CBR3: variants seen among roughly 807,000 people sequenced by gnomAD.
The protein encoded by CBR3 is carbonyl reductase 3, also known as carbonyl reductase [NADPH] 3.
In CBR3, 14 loss-of-function variants were observed where a neutral mutation model predicts 11.6. The observed-to-expected ratio is 1.20, with a 90% CI of 0.79 to 1.88. CBR3 has a LOEUF of 1.88. Ranked by LOEUF, CBR3 falls within the 40% of genes most tolerant of loss-of-function variation. The pLI is 0.00. For synonymous variants in CBR3, 125 were observed against 145.6 expected, an observed-to-expected ratio of 0.86 and a Z score of 1.02; for missense variants, 308 against 357.3, an observed-to-expected ratio of 0.86 and a Z score of 1.11.
At chr21:36,141,023 A>AAAAAG (rs1555883155) in intron 2 of CBR3, among the ~76,000 whole-genome samples, 110 of 140,584 alleles carry the variant, frequency 7.8e-4, no homozygotes, top group African/African-American at 2.6e-3. Flanking sequence ...AAAAAAAAAA[A>AAAAAG]AAAGAAAGAA....
chr21:36,143,257 C>T (rs1967456), intron 2 of CBR3, among the ~76,000 whole-genome samples: 119,077 of 151,598 alleles, frequency 0.79, 46,799 homozygotes, highest in East Asian at 0.84. Flanking sequence ...GAGCTGAGAT[C>T]GCGCCACTGC....
chr21:36,140,997 C>T (rs1287932074), intron 2 of CBR3, among the ~76,000 whole-genome samples: 1 of 112,858 alleles, frequency 8.9e-6, no homozygotes, highest in Non-Finnish European at 1.7e-5. Context: ...GACAGAGCCA[C>T]ACTCCATCTC....
chr21:36,135,383 T>G lies in CBR3; in HGVS notation c.191T>G (p.Ile64Ser). 1 of 1,613,338 alleles carries G rather than the reference T, an allele frequency of 6.2e-7. No homozygotes were observed. The highest frequency in any genetic ancestry group is 1.1e-5 in the South Asian group (1 of 91,084). ...AGCCCGCGCTTCCACCAACTGGACA[T>G]CGACGACTTGCAGAGCATCCGCGCC... ...GLSPRFHQLD[I>S]DDLQSIRALR... The change falls in exon 1 of 3, where the codon ATC becomes AGC. Residue 64 changes from isoleucine to serine, a missense_variant. Coordinates refer to ENST00000290354, the MANE Select transcript of CBR3 (RefSeq NM_001236.4).
rs2065675249 is a variant in CBR3 at position 36,137,943 on chromosome 21, CGT to C, written c.397+15_397+16del. The C allele has an allele frequency of 6.9e-7, 1 of 1,453,850 alleles. No individual in the cohort carries two copies. 90.1% of individuals were successfully genotyped at this position (1,453,850 alleles called of 1,614,324 possible). A position where few individuals can be genotyped will look rare whatever the true frequency, so the allele number is the denominator to read the frequency against. ...TAATGAAACCTCATGGTAAGCCCAA[CGT>C]GTGGACAGTCGGGTTGCATCCCTCA... On this transcript the variant is annotated intron_variant, in intron 2 of 2. Transcript: ENST00000290354.
At chr21:36,138,635 A>T (rs947744136) in intron 2 of CBR3, 1 of 151,784 alleles carries the variant, frequency 6.6e-6, no homozygotes, top group African/African-American at 2.4e-5. Flanking sequence ...GGACCTTGGT[A>T]TCTGTTTTAG....
intron 2 of CBR3, among the ~76,000 whole-genome samples, chr21:36,140,583 C>G (rs2123344254): frequency 6.6e-6 from 1 of 151,890 alleles, no homozygotes. Context: ...TATTAAGACA[C>G]CTTTAAAACT....
Position 36,146,371 on chromosome 21 carries a change from G to A in CBR3, c.693G>A (p.Val231=), listed in dbSNP as rs760406876. 4.3e-6 allele frequency: 7 copies of A among 1,614,184 alleles called. No individual in the cohort carries two copies. Among genetic ancestry groups the A allele is most frequent in the Non-Finnish European group, 5.9e-6 (7 of 1,180,034 alleles). ...ILVNACCPGP[V]KTDMDGKDSI... ...TGAATGCGTGCTGCCCAGGACCAGTGAAGACAGACATGGATGGGAAAGACA... is the reference window on the plus strand; with the variant it reads ...TGAATGCGTGCTGCCCAGGACCAGTAAAGACAGACATGGATGGGAAAGACA... Residue 231 remains valine, a synonymous_variant, in exon 3 of 3, where the codon GTG becomes GTA. Coordinates refer to ENST00000290354, the MANE Select transcript of CBR3 (RefSeq NM_001236.4).
rs141887975 is a variant in CBR3 at position 36,146,283 on chromosome 21, C to A, written c.605C>A (p.Thr202Lys). The change falls in exon 3 of 3, where the codon ACG (threonine) becomes AAG (lysine). Residue 202 changes from threonine (T) to lysine (K), a missense_variant. Physicochemically the swap from Thr to Lys is moderately conservative, Grantham distance 78. Transcript: ENST00000290354. ...TATGGGGTGTCCAAGTTGGGGGTCA[C>A]GGTCTTATCGAGGATCCTGGCCAGG... Reference protein sequence around the residue: ...SPYGVSKLGVTVLSRILARRL... With the variant: ...SPYGVSKLGVKVLSRILARRL... The A allele has an allele frequency of 1.5e-4, 241 of 1,614,006 alleles. No individual in the cohort carries two copies. The highest frequency in any genetic ancestry group is 1.9e-4 in the Non-Finnish European group (220 of 1,180,026).
At chr21:36,140,733 C>A (rs1324133378) in intron 2 of CBR3, among the ~76,000 whole-genome samples, 1 of 152,094 alleles carries the variant, frequency 6.6e-6, no homozygotes, top group Non-Finnish European at 1.5e-5. Context: ...TGTGGCCGGG[C>A]ACAGTGGCTC....
Position 36,142,431 on chromosome 21 carries a change from C to CAAAAAAAAAAAAAAAAAAAAAAAA in CBR3, c.398-3628_398-3627insAAAAAAAAAAAAAAAAAAAAAAAA, listed in dbSNP as rs71326645. On this transcript the variant is annotated intron_variant, in intron 2 of 2. Transcript: ENST00000290354. ...TAGGTGACAGAGCGAGACTCCATCT[C>CAAAAAAAAAAAAAAAAAAAAAAAA]AAAAAAAAAAAAAAAAACGCAATCC... 8.7e-4 allele frequency among the ~76,000 whole-genome samples: 35 copies of CAAAAAAAAAAAAAAAAAAAAAAAA among 40,414 alleles called. 3 individuals are homozygous for CAAAAAAAAAAAAAAAAAAAAAAAA. Among genetic ancestry groups the CAAAAAAAAAAAAAAAAAAAAAAAA allele is most frequent in the African/African-American group, 3.9e-3 (35 of 8,862 alleles). 26.5% of individuals were successfully genotyped at this position (40,414 alleles called of 152,430 possible).
Position 36,135,333 on chromosome 21 carries a change from G to T in CBR3, c.141G>T (p.Val47=). The T allele has an allele frequency of 6.2e-7, 1 of 1,612,160 alleles. No homozygotes were observed. ...ACGTGGCGCGGGGCCAGGCGGCCGTGCAGCAGCTGCAGGCGGAGGGCCTGA... is the reference window on the plus strand; with the variant it reads ...ACGTGGCGCGGGGCCAGGCGGCCGTTCAGCAGCTGCAGGCGGAGGGCCTGA... ...ARDVARGQAA[V]QQLQAEGLSP... The change falls in exon 1 of 3, where the codon GTG becomes GTT. Residue 47 remains valine (V), a synonymous_variant. Transcript: ENST00000290354.
intron 2 of CBR3, among the ~76,000 whole-genome samples, chr21:36,140,980 C>T (rs2065703527): frequency 7.0e-6 from 1 of 142,660 alleles, no homozygotes. Flanking sequence ...TGCACTCCAG[C>T]CTGGGCGACA....
intron 2 of CBR3, 73 bp downstream of exon 2, chr21:36,138,005 C>A: frequency 1.2e-6 from 1 of 817,262 alleles, no homozygotes; most frequent in South Asian, 1.4e-5. Flanking sequence ...CGGAGCAGGG[C>A]TACCCTGCAG....
At chr21:36,141,376 T>C (rs1407371984) in intron 2 of CBR3, 2 of 152,112 alleles carry the variant, frequency 1.3e-5, no homozygotes, top group African/African-American at 4.8e-5. Flanking sequence ...GGCAAAGTCA[T>C]CTAACACAAA....
At chr21:36,135,908 C>T (rs2123334363) in intron 1 of CBR3, among the ~76,000 whole-genome samples, 1 of 152,294 alleles carries the variant, frequency 6.6e-6, no homozygotes, top group Middle Eastern at 3.4e-3. Flanking sequence ...CATAGATGCC[C>T]GGAGGCATTT....
chr21:36,135,727 G>T (rs2065654638), intron 1 of CBR3: 3 of 467,394 alleles, frequency 6.4e-6, no homozygotes, highest in Admixed American at 8.2e-5. Flanking sequence ...CGCGGCCCGG[G>T]GCCCTCCCCG....
intron 2 of CBR3, chr21:36,141,921 T>C: frequency 1.0e-6 from 1 of 984,362 alleles, no homozygotes; most frequent in South Asian, 4.7e-5. Flanking sequence ...TAATTCCTTG[T>C]AGCCGCCAAG....
At chr21:36,142,441 A>AAAAAAAAAAACAAAAC in intron 2 of CBR3, among the ~76,000 whole-genome samples, 1 of 149,746 alleles carries the variant, frequency 6.7e-6, no homozygotes, top group East Asian at 2.0e-4. Flanking sequence ...CAAAAAAAAA[A>AAAAAAAAAAACAAAAC]AAAAAAACGC....
intron 2 of CBR3, among the ~76,000 whole-genome samples, chr21:36,145,847 G>T (rs1452990224): frequency 6.6e-6 from 1 of 151,760 alleles, no homozygotes; most frequent in African/African-American, 2.4e-5. Flanking sequence ...TGTAATTCCA[G>T]CTACTCAGGA....
Sources: allele counts gnomAD v4.1 joint callset (sites outside exome capture counted in the v4.1 genomes callset), GRCh38; gene constraint gnomAD v4.1.1; transcripts MANE v1.5; gene names NCBI Gene and HGNC (gene_info 2026-07-23, HGNC 2026-07-21).